MYO5A: variants seen among roughly 807,000 people sequenced by gnomAD.
MYO5A encodes the protein unconventional myosin-Va.
A neutral mutation model predicts 249.7 loss-of-function variants in MYO5A; 98 were observed. That is an observed-to-expected ratio of 0.39 (90% CI 0.33 to 0.46). MYO5A has a LOEUF of 0.46. MYO5A is among the 20% of genes least tolerant of loss of function. The pLI is 0.98. For missense variants in MYO5A, 1,696 were observed against 2,308.8 expected (o/e 0.73, Z 5.44); for synonymous variants, 778 against 810.6 (o/e 0.96, Z 0.68).
chr15:52,438,739 G>A (rs574062566), intron 1 of MYO5A, among the ~76,000 whole-genome samples: 24 of 152,366 alleles, frequency 1.6e-4, no homozygotes, highest in Admixed American at 4.6e-4. Flanking sequence ...AGCCGGCAAC[G>A]GCTACCCTCT....
chr15:52,503,123 C>T (rs1016717780), intron 1 of MYO5A, among the ~76,000 whole-genome samples: 2 of 152,052 alleles, frequency 1.3e-5, no homozygotes, highest in Admixed American at 6.6e-5. Context: ...TTCAACAGAT[C>T]AGTGGGATAA....
chr15:52,433,790 T>C (rs1466616144), intron 1 of MYO5A, among the ~76,000 whole-genome samples: 1 of 152,116 alleles, frequency 6.6e-6, no homozygotes, highest in Admixed American at 6.5e-5. Context: ...TCCCAAATTA[T>C]ATAAAAAGTG....
chr15:52,510,471 C>T lies in MYO5A; in HGVS notation c.27+18309G>A, dbSNP rs566363288. ...ATCTAGGTCAAGGGTCCCCCATCCC[C>T]GGGCTATGGACCAGTACCAGTCCCT... On this transcript the variant is annotated intron_variant, in intron 1 of 41. Transcript: ENST00000399233. Among the ~76,000 whole-genome samples, 5 of 152,264 alleles carry T rather than the reference C, an allele frequency of 3.3e-5. No homozygotes were observed. The South Asian group carries it at 6.2e-4, about 19-fold the overall frequency.
chr15:52,393,548 C>T (rs1402643928), intron 11 of MYO5A, among the ~76,000 whole-genome samples: 1 of 152,058 alleles, frequency 6.6e-6, no homozygotes, highest in Non-Finnish European at 1.5e-5. Flanking sequence ...CGTGTGCCAC[C>T]ATGCCCAGCT....
chr15:52,397,113 G>A (rs2042522412), intron 10 of MYO5A, 88 bp downstream of exon 10: 15 of 1,479,632 alleles, frequency 1.0e-5, no homozygotes, highest in Non-Finnish European at 1.1e-5. Context: ...TTACCAGTAG[G>A]AAACAGAATC....
chr15:52,478,346 C>A (rs1390125590), intron 1 of MYO5A, among the ~76,000 whole-genome samples: 1 of 152,216 alleles, frequency 6.6e-6, no homozygotes, highest in African/African-American at 2.4e-5. Context: ...AATTCCCCGA[C>A]CCCTTGTGCT....
chr15:52,371,800 G>A (rs535611448), intron 21 of MYO5A, among the ~76,000 whole-genome samples: 7 of 151,894 alleles, frequency 4.6e-5, no homozygotes, highest in South Asian at 2.1e-4. Flanking sequence ...AGCCCAGCAG[G>A]TTGAGGCTGC....
intron 1 of MYO5A, among the ~76,000 whole-genome samples, chr15:52,473,260 ATTTG>A (rs2076516073): frequency 6.6e-6 from 1 of 152,070 alleles, no homozygotes; most frequent in African/African-American, 2.4e-5. Context: ...TTTCTTGTAA[ATTTG>A]TTTAAGTTCT....
At chr15:52,317,313 A>C (rs1333623219) in intron 39 of MYO5A, 91 bp from the exon 40 acceptor site, 1 of 1,269,174 alleles carries the variant, frequency 7.9e-7, no homozygotes, top group Non-Finnish European at 1.1e-6. Context: ...GTCAGGATTT[A>C]TGTTAAAATG....
At chr15:52,513,722 C>A (rs911029055) in intron 1 of MYO5A, among the ~76,000 whole-genome samples, 1 of 152,076 alleles carries the variant, frequency 6.6e-6, no homozygotes, top group Non-Finnish European at 1.5e-5. Context: ...TGAGCCACTG[C>A]GCCCGGCCAA....
rs552680211 is a variant in MYO5A, at chr15:52,370,401, C to T, written c.2834G>A (p.Cys945Tyr). Residue 945 changes from cysteine (C) to tyrosine (Y), a missense_variant, in exon 22 of 42, where the codon TGC becomes TAC. Cys to Tyr is a radical substitution (Grantham distance 194). Around this residue, in one of 5 missense-constraint regions of MYO5A, gnomAD observed 412 missense variants for 453.3 expected, o/e 0.91. Transcript: ENST00000399233. ...CAGATTGGTTAGTTTCTCCACAAGGCATTTGTAGTCTTTGTTCTTTAAACA... is the reference window on the plus strand; with the variant it reads ...CAGATTGGTTAGTTTCTCCACAAGGTATTTGTAGTCTTTGTTCTTTAAACA... The part of the protein sequence containing the change: ...KVDEQNKDYK[C>Y]LVEKLTNLEG... 3.1e-6 allele frequency: 5 copies of T among 1,611,874 alleles called. No homozygotes were observed. Among genetic ancestry groups the T allele is most frequent in the East Asian group, 2.2e-5 (1 of 44,876 alleles).
At chr15:52,506,074 G>A (rs557059504) in intron 1 of MYO5A, among the ~76,000 whole-genome samples, 91 of 152,084 alleles carry the variant, frequency 6.0e-4, no homozygotes, top group African/African-American at 2.1e-3. Context: ...AAATTAGGCC[G>A]GGCGCTGTGG....
At chr15:52,504,108 A>G (rs1262650634) in intron 1 of MYO5A, among the ~76,000 whole-genome samples, 1 of 114,076 alleles carries the variant, frequency 8.8e-6, no homozygotes, top group Non-Finnish European at 1.7e-5. Flanking sequence ...TCTTTCCCCC[A>G]CTGAAATTCA....
intron 1 of MYO5A, among the ~76,000 whole-genome samples, chr15:52,482,329 C>A (rs1399764479): frequency 6.6e-6 from 1 of 152,200 alleles, no homozygotes; most frequent in Non-Finnish European, 1.5e-5. Flanking sequence ...GGGAATAGAA[C>A]TCATATTCCT....
At chr15:52,524,897 A>C (rs1025050050) in intron 1 of MYO5A, among the ~76,000 whole-genome samples, 29 of 149,058 alleles carry the variant, frequency 1.9e-4, no homozygotes, top group African/African-American at 7.1e-4. Context: ...AAAAAAAAAA[A>C]CCCAGCTTCA....
intron 1 of MYO5A, among the ~76,000 whole-genome samples, chr15:52,465,800 C>A (rs759407312): frequency 2.0e-5 from 3 of 151,990 alleles, no homozygotes; most frequent in Non-Finnish European, 4.4e-5. Flanking sequence ...TCAGAAGAAC[C>A]AAAATAGTGT....
intron 1 of MYO5A, among the ~76,000 whole-genome samples, chr15:52,456,303 G>T (rs181154222): frequency 2.0e-5 from 3 of 152,032 alleles, no homozygotes; most frequent in Non-Finnish European, 2.9e-5. Flanking sequence ...ACTGATGAAA[G>T]AAATTAAAGA....
rs2076031761 is a variant in MYO5A at position 52,452,101 on chromosome 15, C to T, written c.28-18816G>A. On this transcript the variant is annotated intron_variant, in intron 1 of 41. Coordinates refer to ENST00000399233, the MANE Select transcript of MYO5A (RefSeq NM_001382347.1). ...CAGATTCTTCTCCAAAATGGTGGCA[C>T]AGAAGCAAGCTGGTTTCACCACCCC... Among the ~76,000 whole-genome samples the T allele has an allele frequency of 2.6e-5, 4 of 152,186 alleles. 1 individual carries two copies. The South Asian group carries it at 8.3e-4, about 32-fold the overall frequency.
chr15:52,440,798 C>T (rs2075770131), intron 1 of MYO5A, among the ~76,000 whole-genome samples: 1 of 152,156 alleles, frequency 6.6e-6, no homozygotes, highest in Non-Finnish European at 1.5e-5. Context: ...AAGAATTTGA[C>T]CCATATGATC....
Sources: gnomAD v4.1 joint callset for allele counts (sites outside exome capture counted in the v4.1 genomes callset) on GRCh38, gnomAD v4.1.1 for gene constraint, gnomAD v4.1.1 regional missense constraint, MANE v1.5 for transcripts, NCBI Gene and HGNC (gene_info 2026-07-23, HGNC 2026-07-21) for gene names.